Variants in PROM2 observed in about 807,000 individuals in gnomAD.
PROM2 encodes the protein prominin-2.
PROM2 carries 90 observed loss-of-function variants against 110.2 expected under a neutral mutation model. That is an observed-to-expected ratio of 0.82 (90% CI 0.69 to 0.97). PROM2 has a LOEUF of 0.97. Among genes scored for constraint, PROM2 ranks in the 50% least tolerant of loss-of-function variants. The pLI is 0.00. For missense variants in PROM2, 1,009 were observed against 1,074.8 expected, an observed-to-expected ratio of 0.94 and a Z score of 0.86; for synonymous variants, 470 against 467.8, an observed-to-expected ratio of 1.00 and a Z score of -0.06.
At position 95,274,839 on chromosome 2, in the gene PROM2, C is replaced by G. The variant is rs1436890807; in HGVS notation, c.244+10C>G. ...AATCCTTTCCCTTCAGGTGAGTGTG[C>G]CCCTCCCCCATGAGGGCCTCAGCAT... On this transcript the variant is annotated intron_variant, in intron 1 of 23. Transcript: ENST00000317620. The G allele has an allele frequency of 3.9e-6, 6 of 1,539,336 alleles. No homozygotes were observed. The highest frequency in any genetic ancestry group is 5.3e-6 in the Non-Finnish European group (6 of 1,141,246).
In PROM2 at chr2:95,290,068, GT is replaced by G; in HGVS notation, c.*856del. Reference sequence around the variant, plus strand: ...GAAGGGACCTGGGACCTGGGCCACAGTGGGGGCTTGCCCTTACCTCTTCAGA... The same window carrying G: ...GAAGGGACCTGGGACCTGGGCCACAGGGGGGCTTGCCCTTACCTCTTCAGA... On this transcript the variant is annotated 3_prime_UTR_variant, in exon 24 of 24. Transcript: ENST00000317620. 1 of 152,330 alleles carries G rather than the reference GT, an allele frequency of 6.6e-6. No homozygotes were observed. 9.4% of individuals were successfully genotyped at this position (152,330 alleles called of 1,614,324 possible).
rs577362802 is a variant in PROM2 at position 95,276,107 on chromosome 2, C to T, written c.472C>T (p.Leu158=). The T allele has an allele frequency of 3.8e-5, 62 of 1,611,736 alleles. No homozygotes were observed. The East Asian group carries it at 1.2e-3, about 32-fold the overall frequency. Reference sequence around the variant, plus strand: ...TGAGCGCGCGGCCCTCATGGTCTTCCTGCTGCTGACCACCCTCTTGCTGCT... The same window carrying T: ...TGAGCGCGCGGCCCTCATGGTCTTCTTGCTGCTGACCACCCTCTTGCTGCT... The part of the protein sequence containing the change: ...ACERAALMVF[L]LLTTLLLLIG... Residue 158 remains leucine, a synonymous_variant, in exon 3 of 24, where the codon CTG becomes TTG. Coordinates refer to ENST00000317620, the MANE Select transcript of PROM2 (RefSeq NM_001165978.3). This position sits in a 1 kb window ranked among gnomAD's most constrained non-coding sequence, Gnocchi z 4.6.
intron 18 of PROM2, 39 bp from the exon 19 acceptor site, chr2:95,287,094 G>A (rs1677406847): frequency 3.2e-6 from 5 of 1,567,442 alleles, no homozygotes; most frequent in Non-Finnish European, 4.4e-6. Context: ...ATGGATGCGT[G>A]AATGTGGGAC....
chr2:95,274,996 T>G, intron 1 of PROM2, 167 bp downstream of exon 1: 2 of 832,800 alleles, frequency 2.4e-6, no homozygotes, highest in South Asian at 4.9e-5. Context: ...GCTGTGTGAC[T>G]GTGGGTAAGC....
rs1443398317 is a variant in PROM2, at chr2:95,290,038, C to T, written c.*825C>T. On this transcript the variant is annotated 3_prime_UTR_variant, in exon 24 of 24. Coordinates refer to ENST00000317620, the MANE Select transcript of PROM2 (RefSeq NM_001165978.3). The stretch of plus-strand genomic sequence containing the variant: ...TTAGCTTCTCTCTGAGTGCTGGCTC[C>T]CAAGGAAGGGACCTGGGACCTGGGC... 1 of 152,324 alleles carries T rather than the reference C, an allele frequency of 6.6e-6. No individual in the cohort carries two copies. The highest frequency in any genetic ancestry group is 1.5e-5 in the Non-Finnish European group (1 of 68,116). 9.4% of individuals were successfully genotyped at this position (152,324 alleles called of 1,614,324 possible).
Position 95,289,024 on chromosome 2 carries a change from C to T in PROM2, c.*10+18C>T, listed in dbSNP as rs369418009. The T allele has an allele frequency of 5.1e-6, 8 of 1,575,602 alleles. No individual in the cohort carries two copies. The African/African-American group carries it at 6.8e-5, about 13-fold the overall frequency. On this transcript the variant is annotated intron_variant, in intron 23 of 23. Transcript: ENST00000317620. ...CCTTGTGGGTGAGTTTTCCCCAACT[C>T]GCTTAATTGCTCCCTGCCAGGGATT...
rs1677627810 is a variant in PROM2, at chr2:95,290,440, G to C, written c.*1227G>C. 1 of 152,200 alleles carries C rather than the reference G, an allele frequency of 6.6e-6. No homozygotes were observed. The highest frequency in any genetic ancestry group is 2.4e-5 in the African/African-American group (1 of 41,450). The allele number at this position is 152,200 out of a possible 1,614,324, so 9.4% of individuals were successfully genotyped here. ...TCACCTCTGGCTGCAGGCATCCAGG[G>C]ATTATTCCAGCAATCTGCAGGTAGG... On this transcript the variant is annotated 3_prime_UTR_variant, in exon 24 of 24. Transcript: ENST00000317620.
rs547964399 is a variant in PROM2, at chr2:95,288,336, G to A, written c.2334+36G>A. The A allele has an allele frequency of 2.5e-6, 4 of 1,611,224 alleles. No individual in the cohort carries two copies. In the East Asian group the frequency reaches 8.9e-5, roughly 36 times the overall value. ...CAGCTCATCGGGGCTTGTTCACCAA[G>A]TCCCGGAGCCTTCCTGCTCTCCAGG... On this transcript the variant is annotated intron_variant, in intron 21 of 23. Transcript: ENST00000317620.
At position 95,289,025 on chromosome 2, in the gene PROM2, G is replaced by A. The variant is rs756906214; in HGVS notation, c.*10+19G>A. On this transcript the variant is annotated intron_variant, in intron 23 of 23. Transcript: ENST00000317620. Reference sequence around the variant, plus strand: ...CTTGTGGGTGAGTTTTCCCCAACTCGCTTAATTGCTCCCTGCCAGGGATTA... The same window carrying A: ...CTTGTGGGTGAGTTTTCCCCAACTCACTTAATTGCTCCCTGCCAGGGATTA... The A allele has an allele frequency of 6.3e-6, 10 of 1,592,220 alleles. No individual in the cohort carries two copies. Among genetic ancestry groups the A allele is most frequent in the East Asian group, 2.2e-5 (1 of 44,776 alleles).
At chr2:95,274,901 C>G in intron 1 of PROM2, 72 bp downstream of exon 1, 1 of 1,463,438 alleles carries the variant, frequency 6.8e-7, no homozygotes. Context: ...TCCCACTCTA[C>G]CATGGGATGT....
chr2:95,287,606 AT>A (rs1677448731), intron 20 of PROM2, 142 bp downstream of exon 20: 1 of 746,258 alleles, frequency 1.3e-6, no homozygotes, highest in Non-Finnish European at 2.2e-6. Context: ...CAAACCTGGC[AT>A]CTGCACCCCT....
At chr2:95,281,877 C>A in intron 12 of PROM2, 48 bp from the exon 13 acceptor site, 1 of 1,377,608 alleles carries the variant, frequency 7.3e-7, no homozygotes, top group Non-Finnish European at 1.0e-6. Context: ...CCAGGGTGGC[C>A]TTGCCCCCAC....
rs1199160689 is a variant in PROM2 at position 95,286,852 on chromosome 2, C to T, written c.2089C>T (p.Leu697Phe). Residue 697 changes from leucine to phenylalanine, a missense_variant, in exon 18 of 24, where the codon CTC (leucine) becomes TTC (phenylalanine). Physicochemically the swap from Leu to Phe is conservative, Grantham distance 22. Transcript: ENST00000317620. ...VRALESSAPN[L>F]QLETSDVLAN... ...GGCCCTGGAGTCCTCTGCCCCGAATCTCCAGGTGGCTGCTGTTGGTGGGGA... is the reference window on the plus strand; with the variant it reads ...GGCCCTGGAGTCCTCTGCCCCGAATTTCCAGGTGGCTGCTGTTGGTGGGGA... The T allele has an allele frequency of 6.2e-7, 1 of 1,613,854 alleles. No homozygotes were observed. The highest frequency in any genetic ancestry group is 2.2e-5 in the East Asian group (1 of 44,870).
At position 95,275,557 on chromosome 2, in the gene PROM2, G is replaced by A; in HGVS notation, c.294+47G>A. On this transcript the variant is annotated intron_variant, in intron 2 of 23. Transcript: ENST00000317620. This position sits in a 1 kb window ranked among gnomAD's most constrained non-coding sequence, Gnocchi z 4.4. ...GCTGGGGGAGGGAGTTCTGGGGTGA[G>A]CAGCAGGGTGGGAGCAGAAAAGCCT... The A allele has an allele frequency of 6.2e-7, 1 of 1,602,970 alleles. No homozygotes were observed. Among genetic ancestry groups the A allele is most frequent in the Non-Finnish European group, 8.5e-7 (1 of 1,173,022 alleles).
chr2:95,281,915 CCATCCCCAGTTTGCAGA>C lies in PROM2; in HGVS notation c.1552-7_1561del. Reference sequence around the variant, plus strand: ...CGCTCTGTGCCCATTTCTCACTGCCCCATCCCCAGTTTGCAGACACCCCAGGGAACCTGCCCCCGTCC... The same window carrying C: ...CGCTCTGTGCCCATTTCTCACTGCCCCACCCCAGGGAACCTGCCCCCGTCC... On this transcript the variant is annotated splice_acceptor_variant and splice_polypyrimidine_tract_variant and coding_sequence_variant and intron_variant, in exon 13 of 24. Coordinates refer to ENST00000317620, the MANE Select transcript of PROM2 (RefSeq NM_001165978.3). LOFTEE classifies it high-confidence loss of function. 6.2e-7 allele frequency: 1 copy of C among 1,611,074 alleles called. No homozygotes were observed. The highest frequency in any genetic ancestry group is 8.5e-7 in the Non-Finnish European group (1 of 1,177,348).
chr2:95,285,451 C>T (rs1395726176), intron 15 of PROM2, among the ~76,000 whole-genome samples, 188 bp from the exon 16 acceptor site: 2 of 152,248 alleles, frequency 1.3e-5, no homozygotes, highest in Non-Finnish European at 2.9e-5. Context: ...TTGTTTCTAT[C>T]TCACTGGGAA....
At chr2:95,277,197 T>C in intron 6 of PROM2, 136 bp downstream of exon 6, 3 of 1,117,610 alleles carry the variant, frequency 2.7e-6, no homozygotes, top group Non-Finnish European at 3.8e-6. Context: ...TACCCCAGGA[T>C]CCAGCCCCCC....
At position 95,274,786 on chromosome 2, in the gene PROM2, G is replaced by A; in HGVS notation, c.201G>A (p.Val67=). ...PGLLDSLYGT[V]RRFLSVVQLN... ...TCCTGGACTCCCTCTATGGCACCGTGCGCCGCTTCCTCTCGGTGGTGCAGC... is the reference window on the plus strand; with the variant it reads ...TCCTGGACTCCCTCTATGGCACCGTACGCCGCTTCCTCTCGGTGGTGCAGC... Residue 67 remains valine (V), a synonymous_variant, in exon 1 of 24, where the codon GTG becomes GTA. Coordinates refer to ENST00000317620, the MANE Select transcript of PROM2 (RefSeq NM_001165978.3). The A allele has an allele frequency of 6.2e-7, 1 of 1,607,200 alleles. No homozygotes were observed. The highest frequency in any genetic ancestry group is 8.5e-7 in the Non-Finnish European group (1 of 1,177,686).
At position 95,289,586 on chromosome 2, in the gene PROM2, TTCCCCCTGCCAAGCC is replaced by T. The variant is rs201067865; in HGVS notation, c.*399_*413del. 0.012 allele frequency: 1,650 copies of T among 143,112 alleles called. 22 individuals are homozygous for T. The highest frequency in any genetic ancestry group is 0.016 in the Admixed American group (234 of 14,416). The allele number at this position is 143,112 out of a possible 1,614,324, so 8.9% of individuals were successfully genotyped here. On this transcript the variant is annotated 3_prime_UTR_variant, in exon 24 of 24. Transcript: ENST00000317620. ...AACCCCACTCCCCTTCCCGTGTGTC[TTCCCCCTGCCAAGCC>T]TCCCCCTGCCAAGCCTCCCCCTGCC... is the stretch of plus-strand genomic sequence containing the variant.
Sources: gnomAD v4.1 joint callset for allele counts (sites outside exome capture counted in the v4.1 genomes callset) on GRCh38, gnomAD v4.1.1 for gene constraint, Gnocchi (gnomAD v3.1) non-coding constraint, MANE v1.5 for transcripts, NCBI Gene and HGNC (gene_info 2026-07-23, HGNC 2026-07-21) for gene names.